EVI5: variants seen among roughly 807,000 people sequenced by gnomAD.
EVI5 encodes ecotropic viral integration site 5, also known as ecotropic viral integration site 5 protein homolog.
In EVI5, 73 loss-of-function variants were observed where a neutral mutation model predicts 112.0. The ratio of observed to expected loss-of-function variants is 0.65; its 90% CI spans 0.54 to 0.79. The LOEUF is 0.79. Ranked by LOEUF, EVI5 falls within the 30% of genes least tolerant of loss-of-function variation. The probability of loss-of-function intolerance (pLI) is 0.00; values close to 1 mark genes in which losing one functional copy is unlikely to be tolerated. For missense variants in EVI5, 900 were observed against 968.8 expected (o/e 0.93, Z 0.94); for synonymous variants, 305 against 319.9 (o/e 0.95, Z 0.50).
At chr1:92,589,841 G>A (rs911158844) in intron 18 of EVI5, among the ~76,000 whole-genome samples, 1 of 152,196 alleles carries the variant, frequency 6.6e-6, no homozygotes, top group Non-Finnish European at 1.5e-5. Flanking sequence ...TGACCCCTGA[G>A]TAGCCTAACT....
At chr1:92,671,832 T>G (rs1665931652) in intron 10 of EVI5, among the ~76,000 whole-genome samples, 1 of 151,086 alleles carries the variant, frequency 6.6e-6, no homozygotes, top group Non-Finnish European at 1.5e-5. Context: ...AGACAGGATT[T>G]CACTCTGTCA....
intron 18 of EVI5, among the ~76,000 whole-genome samples, chr1:92,589,336 C>G (rs1198906572): frequency 6.6e-6 from 1 of 152,170 alleles, no homozygotes; most frequent in Non-Finnish European, 1.5e-5. Flanking sequence ...ACCAGGGAAG[C>G]ACAAGGGGTC....
intron 18 of EVI5, among the ~76,000 whole-genome samples, chr1:92,604,744 G>A (rs1649974296): frequency 6.6e-6 from 1 of 152,216 alleles, no homozygotes; most frequent in African/African-American, 2.4e-5. Flanking sequence ...CAGTGGGTTT[G>A]TTTATACCAG....
chr1:92,634,082 C>T (rs1381508681), intron 14 of EVI5, among the ~76,000 whole-genome samples: 2 of 152,182 alleles, frequency 1.3e-5, no homozygotes, highest in Non-Finnish European at 2.9e-5. Flanking sequence ...TTGTGGGTAA[C>T]CCGACCTTTC....
chr1:92,748,385 G>A (rs976995860), intron 1 of EVI5, among the ~76,000 whole-genome samples: 1 of 152,200 alleles, frequency 6.6e-6, no homozygotes, highest in African/African-American at 2.4e-5. Flanking sequence ...CCTAAGTGAA[G>A]AGTCAGCCCC....
intron 19 of EVI5, among the ~76,000 whole-genome samples, chr1:92,558,037 C>CA (rs1008342291): frequency 6.6e-6 from 1 of 152,050 alleles, no homozygotes. Flanking sequence ...CGTGCCTGGC[C>CA]AAAAAATCTG....
intron 14 of EVI5, among the ~76,000 whole-genome samples, chr1:92,632,984 T>C (rs940610749): frequency 2.0e-5 from 3 of 152,234 alleles, no homozygotes; most frequent in African/African-American, 2.4e-5. Flanking sequence ...TTGATCGGTT[T>C]TGAGTGAGTT....
At chr1:92,576,241 T>C (rs926921735) in intron 18 of EVI5, among the ~76,000 whole-genome samples, 4 of 149,580 alleles carry the variant, frequency 2.7e-5, no homozygotes, top group African/African-American at 1.0e-4. Flanking sequence ...ATGTATGTCA[T>C]GTGTACATAT....
At chr1:92,611,633 G>GACTT (rs1651824671) in intron 16 of EVI5, among the ~76,000 whole-genome samples, 1 of 146,272 alleles carries the variant, frequency 6.8e-6, no homozygotes, top group Admixed American at 7.0e-5. Context: ...TGGGAGGCAG[G>GACTT]ACTTGCAGTG....
intron 16 of EVI5, among the ~76,000 whole-genome samples, chr1:92,611,190 A>G (rs1435698840): frequency 2.0e-5 from 3 of 152,060 alleles, no homozygotes; most frequent in Non-Finnish European, 2.9e-5. Flanking sequence ...TCCAACCAGG[A>G]TAAAAACAAA....
At chr1:92,530,609 C>G (rs1329678186) in intron 19 of EVI5, among the ~76,000 whole-genome samples, 1 of 152,002 alleles carries the variant, frequency 6.6e-6, no homozygotes, top group Non-Finnish European at 1.5e-5. Flanking sequence ...GCAATCTTTG[C>G]TGTTCTGCAG....
chr1:92,546,010 G>C (rs772733061), intron 19 of EVI5, among the ~76,000 whole-genome samples: 1 of 151,938 alleles, frequency 6.6e-6, no homozygotes, highest in African/African-American at 2.4e-5. Flanking sequence ...CCATGGTGCC[G>C]TGTGATTCTA....
intron 18 of EVI5, among the ~76,000 whole-genome samples, chr1:92,569,661 C>T (rs1275228895): frequency 1.3e-5 from 2 of 151,870 alleles, no homozygotes; most frequent in Admixed American, 6.6e-5. Context: ...CGAGACCATC[C>T]TGGCCAACAT....
intron 16 of EVI5, among the ~76,000 whole-genome samples, chr1:92,613,862 G>T (rs925809697): frequency 1.3e-5 from 2 of 152,172 alleles, no homozygotes; most frequent in African/African-American, 4.8e-5. Context: ...AAGTGTTGGG[G>T]ATTATAGGCA....
At chr1:92,650,303 A>G (rs1445339664) in intron 13 of EVI5, among the ~76,000 whole-genome samples, 2 of 152,232 alleles carry the variant, frequency 1.3e-5, no homozygotes, top group Non-Finnish European at 2.9e-5. Flanking sequence ...CTTCCAATAT[A>G]CAAATACGAG....
At chr1:92,525,157 C>T (rs940405704) in intron 19 of EVI5, among the ~76,000 whole-genome samples, 2 of 151,890 alleles carry the variant, frequency 1.3e-5, no homozygotes, top group African/African-American at 4.8e-5. Flanking sequence ...TACAACTCAA[C>T]AGCCATAGGA....
At position 92,772,045 on chromosome 1, in the gene EVI5, G is replaced by C. The variant is rs371496304; in HGVS notation, c.-82+12791C>G. Among the ~76,000 whole-genome samples the C allele has an allele frequency of 1.1e-3, 161 of 151,540 alleles. 2 individuals are homozygous for C. In the South Asian group the frequency reaches 0.031, roughly 30 times the overall value. ...AATTTTTTATTTTTAGTAGAAACGGGGTTTCACCATGTTGATCAGGCTGGT... is the reference window on the plus strand; with the variant it reads ...AATTTTTTATTTTTAGTAGAAACGGCGTTTCACCATGTTGATCAGGCTGGT... On this transcript the variant is annotated intron_variant, in intron 1 of 19. Coordinates refer to ENST00000684568, the MANE Select transcript of EVI5 (RefSeq NM_001350197.2).
intron 18 of EVI5, among the ~76,000 whole-genome samples, chr1:92,578,655 T>G (rs932990102): frequency 6.6e-6 from 1 of 151,202 alleles, no homozygotes; most frequent in Non-Finnish European, 1.5e-5. Flanking sequence ...AAGGCAGAGC[T>G]TCCAGTGAGC....
At chr1:92,663,390 T>C (rs1339258244) in intron 12 of EVI5, 30 bp downstream of exon 12, 2 of 1,256,326 alleles carry the variant, frequency 1.6e-6, no homozygotes, top group East Asian at 2.6e-5. Flanking sequence ...GAAGATGTTT[T>C]AAAAAACTAA....
Sources: allele counts gnomAD v4.1 joint callset (sites outside exome capture counted in the v4.1 genomes callset), GRCh38; gene constraint gnomAD v4.1.1; transcripts MANE v1.5; gene names NCBI Gene and HGNC (gene_info 2026-07-23, HGNC 2026-07-21).